The following SUGCT variants were observed in gnomAD, a reference collection of about 807,000 sequenced individuals.
SUGCT encodes the protein succinyl-CoA:glutarate-CoA transferase, also known as succinyl-CoA:glutarate CoA-transferase.
In SUGCT, 41 loss-of-function variants were observed where a neutral mutation model predicts 55.0. That is an observed-to-expected ratio of 0.74 (90% CI 0.58 to 0.97). The LOEUF is 0.97. Ranked by LOEUF, SUGCT falls within the 50% of genes least tolerant of loss-of-function variation. The probability of loss-of-function intolerance (pLI) is 0.00; values close to 1 mark genes in which losing one functional copy is unlikely to be tolerated. For missense variants in SUGCT, 568 were observed against 547.8 expected (o/e 1.04, Z -0.37); for synonymous variants, 187 against 200.4 (o/e 0.93, Z 0.56).
chr7:40,948,576 G>A, the SUGCT span, among the ~76,000 whole-genome samples: 49 of 152,190 alleles, frequency 3.2e-4, no homozygotes, highest in Admixed American at 9.2e-4. Flanking sequence ...ATCTACACTA[G>A]GTATTTCTCC....
chr7:40,551,654 G>A (rs545282634), intron 12 of SUGCT, among the ~76,000 whole-genome samples: 2 of 152,160 alleles, frequency 1.3e-5, no homozygotes, highest in Non-Finnish European at 2.9e-5. Context: ...GCAGTAGAAG[G>A]CATACATCCT....
At chr7:40,191,762 A>T (rs935106376) in intron 5 of SUGCT, among the ~76,000 whole-genome samples, 1 of 152,136 alleles carries the variant, frequency 6.6e-6, no homozygotes, top group African/African-American at 2.4e-5. Flanking sequence ...AGGAAAAATT[A>T]TTTTTTCTCT....
chr7:40,582,428 T>G (rs547885099), intron 12 of SUGCT, among the ~76,000 whole-genome samples: 1 of 152,344 alleles, frequency 6.6e-6, no homozygotes, highest in South Asian at 2.1e-4. Flanking sequence ...ATTTTGCCAC[T>G]ACACTATTAT....
intron 13 of SUGCT, among the ~76,000 whole-genome samples, chr7:40,856,032 C>G (rs756041970): frequency 6.6e-6 from 1 of 152,146 alleles, no homozygotes; most frequent in Non-Finnish European, 1.5e-5. Context: ...TATTTCTAGT[C>G]CCTGTTCTGT....
At chr7:40,965,577 T>C in the SUGCT span, 1 of 152,242 alleles carries the variant, frequency 6.6e-6, no homozygotes, top group Admixed American at 6.5e-5. Flanking sequence ...ACATTATGAA[T>C]TCATATTAAT....
chr7:40,333,243 A>G (rs1048799631), intron 9 of SUGCT, among the ~76,000 whole-genome samples: 1 of 152,162 alleles, frequency 6.6e-6, no homozygotes, highest in Non-Finnish European at 1.5e-5. Flanking sequence ...ATGAAAACAG[A>G]TTGAATATAA....
chr7:40,993,932 C>T, the SUGCT span, among the ~76,000 whole-genome samples: 1 of 152,146 alleles, frequency 6.6e-6, no homozygotes, highest in Middle Eastern at 3.2e-3. Context: ...AAATAAAACA[C>T]TATTCAACTG....
At chr7:41,018,421 A>G in the SUGCT span, among the ~76,000 whole-genome samples, 2 of 152,322 alleles carry the variant, frequency 1.3e-5, no homozygotes, top group East Asian at 3.9e-4. Flanking sequence ...ATGGAGGGAA[A>G]GGTGAGGAAG....
At chr7:40,661,607 G>T (rs1801303562) in intron 12 of SUGCT, among the ~76,000 whole-genome samples, 1 of 151,912 alleles carries the variant, frequency 6.6e-6, no homozygotes, top group Non-Finnish European at 1.5e-5. Context: ...TTTTCAGTCT[G>T]CTGAAATTGG....
chr7:40,225,343 C>CTTTCTGTGGTAGAGATTGAGGGGTCCAA (rs1309804946), intron 6 of SUGCT, among the ~76,000 whole-genome samples: 1 of 151,878 alleles, frequency 6.6e-6, no homozygotes. Context: ...GTTTTGCTGC[C>CTTTCTGTGGTAGAGATTGAGGGGTCCAA]TTTCTGTGGT....
chr7:40,511,931 C>G (rs904870983), intron 12 of SUGCT, among the ~76,000 whole-genome samples: 5 of 152,130 alleles, frequency 3.3e-5, no homozygotes, highest in African/African-American at 1.2e-4. Flanking sequence ...CTGAGGACCA[C>G]TAAGACAGCT....
intron 1 of SUGCT, among the ~76,000 whole-genome samples, chr7:40,139,132 AAATAAAT>A (rs1787846655): frequency 2.5e-4 from 1 of 3,988 alleles, no homozygotes; most frequent in Non-Finnish European, 9.1e-4. Flanking sequence ...GCTCAAAAAT[AAATAAAT>A]AAATAAATAA....
intron 12 of SUGCT, among the ~76,000 whole-genome samples, chr7:40,534,817 T>C (rs575218673): frequency 9.1e-4 from 138 of 152,328 alleles, no homozygotes; most frequent in Middle Eastern, 3.4e-3. Context: ...GTAAACATGC[T>C]TTCAAGAAAT....
chr7:40,567,178 C>T lies in SUGCT; in HGVS notation c.1089+70792C>T, dbSNP rs570355566. 5.1e-4 allele frequency among the ~76,000 whole-genome samples: 78 copies of T among 152,278 alleles called. 1 individual carries two copies. The South Asian group carries it at 0.013, about 26-fold the overall frequency. On this transcript the variant is annotated intron_variant, in intron 12 of 13. Coordinates refer to ENST00000335693, the MANE Select transcript of SUGCT (RefSeq NM_001193313.2). The stretch of plus-strand genomic sequence containing the variant: ...TTTGTATTGCTTCTATAAACACTGA[C>T]GTTTGATAAAAGTGTATTGATTTTT...
In SUGCT at chr7:40,821,292, G is replaced by A. The variant is rs534203149; in HGVS notation, c.1154-39024G>A. 2.0e-5 allele frequency among the ~76,000 whole-genome samples: 3 copies of A among 152,322 alleles called. No homozygotes were observed. In the South Asian group the frequency reaches 6.2e-4, roughly 32 times the overall value. On this transcript the variant is annotated intron_variant, in intron 13 of 13. Transcript: ENST00000335693. ...ATGCTGGCCTCATAAAATGAGTAGG[G>A]AGGATTCCCTCTTTTTCTATTGATT... is the stretch of plus-strand genomic sequence containing the variant.
At chr7:40,849,073 T>C (rs960478045) in intron 13 of SUGCT, among the ~76,000 whole-genome samples, 1 of 152,182 alleles carries the variant, frequency 6.6e-6, no homozygotes, top group African/African-American at 2.4e-5. Context: ...TACTAAGCCT[T>C]GAAGATTAAA....
chr7:40,236,761 A>T (rs1487250180), intron 6 of SUGCT, among the ~76,000 whole-genome samples: 1 of 152,094 alleles, frequency 6.6e-6, no homozygotes, highest in Non-Finnish European at 1.5e-5. Context: ...TTTATGCCCT[A>T]TGTAGAGGGG....
At chr7:40,227,096 G>A in intron 6 of SUGCT, among the ~76,000 whole-genome samples, 1 of 137,760 alleles carries the variant, frequency 7.3e-6, no homozygotes, top group East Asian at 2.1e-4. Context: ...TCCCAGGCTG[G>A]AGTGCAGTGG....
chr7:40,578,807 C>T lies in SUGCT; in HGVS notation c.1089+82421C>T, dbSNP rs148778155. ...TTCCTATCCATGCCATTTAAATTCA[C>T]CCCCACCTGCTTTCCCTGATACTTG... On this transcript the variant is annotated intron_variant, in intron 12 of 13. Transcript: ENST00000335693. Among the ~76,000 whole-genome samples, 860 of 152,266 alleles carry T rather than the reference C, an allele frequency of 5.6e-3. 8 individuals are homozygous for T. Among genetic ancestry groups the T allele is most frequent in the African/African-American group, 0.02 (821 of 41,544 alleles).
Sources: allele counts gnomAD v4.1 joint callset (sites outside exome capture counted in the v4.1 genomes callset), GRCh38; gene constraint gnomAD v4.1.1; transcripts MANE v1.5; gene names NCBI Gene and HGNC (gene_info 2026-07-23, HGNC 2026-07-21).